The following BPIFA3 variants were observed in gnomAD, a reference collection of about 807,000 sequenced individuals.
BPIFA3 encodes the protein BPI fold-containing family A member 3.
In BPIFA3, 32 loss-of-function variants were observed where a neutral mutation model predicts 29.7. That is an observed-to-expected ratio of 1.08 (90% CI 0.81 to 1.45). The LOEUF is 1.45. Among genes scored for constraint, BPIFA3 ranks in the 40% most tolerant of loss-of-function variants. BPIFA3 has a pLI of 0.00. For synonymous variants in BPIFA3, 112 were observed against 113.7 expected (o/e 0.98, Z 0.10); for missense variants, 323 against 311.3 (o/e 1.04, Z -0.28).
chr20:33,227,429 C>G, intron 6 of BPIFA3, 109 bp from the exon 7 acceptor site: 1 of 894,104 alleles, frequency 1.1e-6, no homozygotes. Flanking sequence ...TTCACGTGAA[C>G]GCTCCCGGCA....
chr20:33,224,350 T>C lies in BPIFA3; in HGVS notation c.279-5T>C. The C allele has an allele frequency of 6.2e-7, 1 of 1,613,050 alleles. No individual in the cohort carries two copies. Among genetic ancestry groups the C allele is most frequent in the Non-Finnish European group, 8.5e-7 (1 of 1,179,058 alleles). Reference sequence around the variant, plus strand: ...TTGTGGGGCCTCTGCTCTTTCCTTGTGCAGCATCAACATCACCAACATTCA... The same window carrying C: ...TTGTGGGGCCTCTGCTCTTTCCTTGCGCAGCATCAACATCACCAACATTCA... On this transcript the variant is annotated splice_polypyrimidine_tract_variant and splice_region_variant and intron_variant, in intron 2 of 6. Transcript: ENST00000375454.
At position 33,227,736 on chromosome 20, in the gene BPIFA3, A is replaced by G; in HGVS notation, c.*119A>G. 1.2e-6 allele frequency: 1 copy of G among 810,652 alleles called. No homozygotes were observed. The highest frequency in any genetic ancestry group is 2.7e-5 in the East Asian group (1 of 37,574). 50.2% of individuals were successfully genotyped at this position (810,652 alleles called of 1,614,324 possible). ...TGTGGACATACCATCCTCTCCTACA[A>G]TAAACTCTAGCTCTGAAGGGTGCAC... On this transcript the variant is annotated 3_prime_UTR_variant, in exon 7 of 7. Coordinates refer to ENST00000375454, the MANE Select transcript of BPIFA3 (RefSeq NM_178466.5).
In BPIFA3 at chr20:33,217,670, T is replaced by C. The variant is rs1436124362; in HGVS notation, c.127+7T>C. 1 of 1,612,266 alleles carries C rather than the reference T, an allele frequency of 6.2e-7. No homozygotes were observed. Among genetic ancestry groups the C allele is most frequent in the Non-Finnish European group, 8.5e-7 (1 of 1,179,266 alleles). On this transcript the variant is annotated splice_region_variant and intron_variant, in intron 1 of 6. Transcript: ENST00000375454. ...AAATCCACCCTGGCAAGAAGTAAGC[T>C]AAGCCCCGGGCTCTGCCTGCTGCCT...
chr20:33,227,486 G>A, intron 6 of BPIFA3, 52 bp from the exon 7 acceptor site: 1 of 1,447,020 alleles, frequency 6.9e-7, no homozygotes, highest in Non-Finnish European at 9.7e-7. Flanking sequence ...CTTCGGTGTG[G>A]GAGTTGGGAG....
intron 1 of BPIFA3, among the ~76,000 whole-genome samples, chr20:33,218,634 GAA>G (rs1002978777): frequency 6.6e-6 from 1 of 152,140 alleles, no homozygotes; most frequent in African/African-American, 2.4e-5. Context: ...TGCATGCAGA[GAA>G]AGAGATCTGT....
At chr20:33,227,434 C>T in intron 6 of BPIFA3, 104 bp from the exon 7 acceptor site, 1 of 966,404 alleles carries the variant, frequency 1.0e-6, no homozygotes. Flanking sequence ...GTGAACGCTC[C>T]CGGCACCTGC....
intron 1 of BPIFA3, among the ~76,000 whole-genome samples, chr20:33,220,323 G>T (rs1000920776): frequency 3.3e-5 from 5 of 150,402 alleles, no homozygotes; most frequent in Admixed American, 3.3e-4. Flanking sequence ...ACGTGAACCC[G>T]GGAGGCAGAG....
intron 1 of BPIFA3, among the ~76,000 whole-genome samples, chr20:33,221,177 T>G (rs925546254): frequency 6.8e-6 from 1 of 147,296 alleles, no homozygotes; most frequent in Non-Finnish European, 1.5e-5. Context: ...TCAAATGGAG[T>G]CTTGCTCTAT....
rs1330701444 is a variant in BPIFA3 at position 33,224,593 on chromosome 20, G to A, written c.386+131G>A. 5.4e-6 allele frequency: 4 copies of A among 741,602 alleles called. No homozygotes were observed. The African/African-American group carries it at 7.0e-5, about 13-fold the overall frequency. The allele number at this position is 741,602 out of a possible 1,614,324, so 45.9% of individuals were successfully genotyped here. A position where few individuals can be genotyped will look rare whatever the true frequency, so the allele number is the denominator to read the frequency against. On this transcript the variant is annotated intron_variant, in intron 3 of 6. Transcript: ENST00000375454. Reference sequence around the variant, plus strand: ...AAAGCCACTTGCTGTGTGACCTTGGGCAAGTCACTTCACCTCTCTGAGCCT... The same window carrying A: ...AAAGCCACTTGCTGTGTGACCTTGGACAAGTCACTTCACCTCTCTGAGCCT...
Position 33,223,951 on chromosome 20 carries a change from C to T in BPIFA3, c.268C>T (p.Gln90Ter). 6.2e-7 allele frequency: 1 copy of T among 1,614,012 alleles called. No homozygotes were observed. The highest frequency in any genetic ancestry group is 8.5e-7 in the Non-Finnish European group (1 of 1,179,992). The change falls in exon 2 of 7, where the codon CAA (glutamine) becomes TAA (stop). Residue 90 changes from glutamine (Q) to a stop codon, truncating the protein, a stop_gained. Transcript: ENST00000375454. LOFTEE classifies it high-confidence loss of function. ...CAGCGGCAGGAAACACCAGCAGCAG[C>T]AAGAGAGCAGGTGAGACCCTGAGTT... ...LISGRKHQQQ[Q>*]ESSINITNIQ...
At chr20:33,219,215 T>C (rs868135671) in intron 1 of BPIFA3, among the ~76,000 whole-genome samples, 1 of 152,240 alleles carries the variant, frequency 6.6e-6, no homozygotes, top group East Asian at 1.9e-4. Context: ...CCATTTTGAC[T>C]TCTTTGAATT....
At position 33,218,590 on chromosome 20, in the gene BPIFA3, A is replaced by G. The variant is rs559558395; in HGVS notation, c.127+927A>G. Among the ~76,000 whole-genome samples the G allele has an allele frequency of 2.0e-5, 3 of 152,250 alleles. No individual in the cohort carries two copies. The East Asian group carries it at 5.8e-4, about 29-fold the overall frequency. The stretch of plus-strand genomic sequence containing the variant: ...CTGTCTTGCTGGCTTGCAGACGGAC[A>G]CCTTCTCGATGTCTCCATACAGCCT... On this transcript the variant is annotated intron_variant, in intron 1 of 6. Coordinates refer to ENST00000375454, the MANE Select transcript of BPIFA3 (RefSeq NM_178466.5).
At chr20:33,220,069 C>T (rs1426208306) in intron 1 of BPIFA3, among the ~76,000 whole-genome samples, 1 of 150,344 alleles carries the variant, frequency 6.7e-6, no homozygotes, top group Non-Finnish European at 1.5e-5. Flanking sequence ...CACTGCACTC[C>T]AGCCTGGGCA....
At chr20:33,222,397 T>C (rs1985553746) in intron 1 of BPIFA3, among the ~76,000 whole-genome samples, 1 of 152,268 alleles carries the variant, frequency 6.6e-6, no homozygotes, top group South Asian at 2.1e-4. Context: ...GTGCCAACTT[T>C]GAACCCAAAA....
intron 4 of BPIFA3, chr20:33,226,151 G>GGGAGGAC (rs1300720323): frequency 9.9e-6 from 4 of 405,664 alleles, no homozygotes; most frequent in Non-Finnish European, 1.7e-5. Context: ...AGACATTCAT[G>GGGAGGAC]GGAGGACGGT....
At chr20:33,226,703 G>A (rs945851383) in intron 5 of BPIFA3, among the ~76,000 whole-genome samples, 1 of 152,182 alleles carries the variant, frequency 6.6e-6, no homozygotes, top group African/African-American at 2.4e-5. Flanking sequence ...CCTGTAGCAT[G>A]GGATCCACCA....
intron 1 of BPIFA3, among the ~76,000 whole-genome samples, chr20:33,220,842 T>C (rs1985477696): frequency 6.6e-6 from 1 of 152,214 alleles, no homozygotes; most frequent in Non-Finnish European, 1.5e-5. Context: ...GCCTTTTTCT[T>C]ATCTTGCATT....
intron 1 of BPIFA3, among the ~76,000 whole-genome samples, chr20:33,221,507 C>T (rs754452147): frequency 5.9e-5 from 9 of 152,220 alleles, no homozygotes; most frequent in Admixed American, 1.3e-4. Flanking sequence ...ACTTTTCATA[C>T]ATAAAACTAA....
At chr20:33,225,558 GC>G (rs1477774839) in intron 4 of BPIFA3, 1 of 303,916 alleles carries the variant, frequency 3.3e-6, no homozygotes, top group Non-Finnish European at 6.2e-6. Flanking sequence ...AACTCACCTG[GC>G]TTTCCCTGGC....
Sources: allele counts gnomAD v4.1 joint callset (sites outside exome capture counted in the v4.1 genomes callset), GRCh38; gene constraint gnomAD v4.1.1; transcripts MANE v1.5; gene names NCBI Gene and HGNC (gene_info 2026-07-23, HGNC 2026-07-21).